SAMD8: variants seen among roughly 807,000 people sequenced by gnomAD.
SAMD8 encodes the protein sphingomyelin synthase-related protein 1.
Under a neutral mutation model 42.0 loss-of-function variants are expected in SAMD8, and 20 were observed. That is an observed-to-expected ratio of 0.48 (90% CI 0.34 to 0.69). SAMD8 has a LOEUF of 0.69. Ranked by LOEUF, SAMD8 falls within the 30% of genes least tolerant of loss-of-function variation. The probability of loss-of-function intolerance (pLI) is 0.01; values close to 1 mark genes in which losing one functional copy is unlikely to be tolerated. For synonymous variants in SAMD8, 162 were observed against 173.0 expected, an observed-to-expected ratio of 0.94 and a Z score of 0.50; for missense variants, 328 against 511.6, an observed-to-expected ratio of 0.64 and a Z score of 3.46.
chr10:75,121,987 C>T (rs1415451669), intron 1 of SAMD8, among the ~76,000 whole-genome samples: 1 of 152,188 alleles, frequency 6.6e-6, no homozygotes, highest in Non-Finnish European at 1.5e-5. Flanking sequence ...CCACCATGCC[C>T]AGCGACTTTC....
rs762930226 is a variant in SAMD8, at chr10:75,176,023, T to G, written c.793-43T>G. ...GAATGGATGTTGGGAAGTTCCCACC[T>G]CCCTAAGCATTTGAAGCACTAATTC... is the stretch of plus-strand genomic sequence containing the variant. On this transcript the variant is annotated intron_variant, in intron 4 of 5. Transcript: ENST00000542569. This position sits in a 1 kb window ranked among gnomAD's most constrained non-coding sequence, Gnocchi z 4.3. 6.3e-6 allele frequency: 10 copies of G among 1,580,266 alleles called. No homozygotes were observed. Among genetic ancestry groups the G allele is most frequent in the Non-Finnish European group, 8.6e-6 (10 of 1,163,836 alleles).
chr10:75,145,836 G>T (rs550393085), intron 1 of SAMD8, among the ~76,000 whole-genome samples: 2 of 152,294 alleles, frequency 1.3e-5, no homozygotes, highest in East Asian at 3.9e-4. Context: ...ACTATGGCAA[G>T]ATCTTTCTGT....
intron 1 of SAMD8, among the ~76,000 whole-genome samples, chr10:75,128,273 A>C (rs1036246713): frequency 5.3e-5 from 8 of 151,938 alleles, no homozygotes; most frequent in Non-Finnish European, 8.8e-5. Context: ...GCATTTCACC[A>C]TGTTGGCTAG....
chr10:75,162,447 C>G (rs1464096348), intron 2 of SAMD8, among the ~76,000 whole-genome samples: 3 of 151,944 alleles, frequency 2.0e-5, no homozygotes, highest in African/African-American at 7.3e-5. Flanking sequence ...GTCAGGATTT[C>G]GAGACCAGCC....
At chr10:75,118,460 A>G (rs1025511250) in intron 1 of SAMD8, among the ~76,000 whole-genome samples, 1 of 152,224 alleles carries the variant, frequency 6.6e-6, no homozygotes, top group Non-Finnish European at 1.5e-5. Flanking sequence ...CCTGGCCAGC[A>G]TGGTGAAATG....
chr10:75,108,408 T>C (rs1176235019), upstream of SAMD8: 2 of 956,626 alleles, frequency 2.1e-6, no homozygotes, highest in Non-Finnish European at 3.0e-6. Flanking sequence ...CGGCGGTGTG[T>C]GTGTCGGGGG....
intron 1 of SAMD8, among the ~76,000 whole-genome samples, chr10:75,104,921 C>G (rs952647111): frequency 3.3e-5 from 5 of 151,968 alleles, no homozygotes; most frequent in African/African-American, 4.8e-5. Context: ...AGGCCCTGCC[C>G]TGGGAGGTTT....
intron 2 of SAMD8, among the ~76,000 whole-genome samples, chr10:75,156,931 C>A (rs569882489): frequency 6.6e-6 from 1 of 152,076 alleles, no homozygotes; most frequent in East Asian, 1.9e-4. Flanking sequence ...ATCAGTGTTA[C>A]AATGTCCTTG....
intron 1 of SAMD8, among the ~76,000 whole-genome samples, chr10:75,123,746 A>G (rs1352936702): frequency 6.6e-6 from 1 of 151,322 alleles, no homozygotes; most frequent in East Asian, 1.9e-4. Context: ...GTTGGAGTAC[A>G]GTGGCATGAT....
Position 75,168,674 on chromosome 10 carries a change from C to A in SAMD8, c.792+16C>A. On this transcript the variant is annotated intron_variant, in intron 4 of 5. Coordinates refer to ENST00000542569, the MANE Select transcript of SAMD8 (RefSeq NM_001174156.2). ...TACTGGAAAGGTAGCCTGCTACCTT[C>A]TTTATCATTCTTGTTTTTGGTGGGT... The A allele has an allele frequency of 1.4e-6, 2 of 1,476,190 alleles. No individual in the cohort carries two copies. Among genetic ancestry groups the A allele is most frequent in the South Asian group, 1.1e-5 (1 of 88,296 alleles). The allele number at this position is 1,476,190 out of a possible 1,614,324, so 91.4% of individuals were successfully genotyped here.
In SAMD8 at chr10:75,170,770, G is replaced by GTTT. The variant is rs34290557; in HGVS notation, c.792+2131_792+2133dup. ...TACACACTCATATAAGTTTTTTTGGGTTTTTTTTTTTTTTTTTTTTTGAGG... is the reference window on the plus strand; with the variant it reads ...TACACACTCATATAAGTTTTTTTGGGTTTTTTTTTTTTTTTTTTTTTTTTGAGG... On this transcript the variant is annotated intron_variant, in intron 4 of 5. Coordinates refer to ENST00000542569, the MANE Select transcript of SAMD8 (RefSeq NM_001174156.2). Among the ~76,000 whole-genome samples the GTTT allele has an allele frequency of 3.6e-4, 38 of 105,204 alleles. 1 individual carries two copies. Among genetic ancestry groups the GTTT allele is most frequent in the South Asian group, 6.4e-4 (2 of 3,112 alleles). The allele number at this position is 105,204 out of a possible 152,430, so 69.0% of individuals were successfully genotyped here. A position where few individuals can be genotyped will look rare whatever the true frequency, so the allele number is the denominator to read the frequency against.
At chr10:75,123,548 C>T (rs1849056197) in intron 1 of SAMD8, among the ~76,000 whole-genome samples, 1 of 152,128 alleles carries the variant, frequency 6.6e-6, no homozygotes, top group Non-Finnish European at 1.5e-5. Flanking sequence ...AAAATCAAGG[C>T]TCTCCATTTG....
At chr10:75,106,101 CTTT>C (rs767630456) in intron 1 of SAMD8, among the ~76,000 whole-genome samples, 4 of 123,018 alleles carry the variant, frequency 3.3e-5, no homozygotes, top group Non-Finnish European at 3.4e-5. Flanking sequence ...TCTTTCTTTT[CTTT>C]TTTTTTTTTT....
At chr10:75,159,862 C>T (rs1674058352) in intron 2 of SAMD8, among the ~76,000 whole-genome samples, 1 of 152,168 alleles carries the variant, frequency 6.6e-6, no homozygotes, top group Non-Finnish European at 1.5e-5. Context: ...GAGAACATTT[C>T]CCTGTAATTG....
At chr10:75,111,547 C>A, upstream of SAMD8, 7 of 1,241,970 alleles carry the variant, frequency 5.6e-6, no homozygotes, top group South Asian at 3.6e-5. Flanking sequence ...GCGGCCGGGA[C>A]GATGCCTGCG....
At chr10:75,108,288 A>C (rs1455016221), upstream of SAMD8, 2 of 1,510,550 alleles carry the variant, frequency 1.3e-6, no homozygotes, top group Non-Finnish European at 1.8e-6. Context: ...CCCCTGCTGC[A>C]GAGGGACCGA....
At chr10:75,109,168 G>A (rs780154882), upstream of SAMD8, 32 of 1,560,220 alleles carry the variant, frequency 2.1e-5, 1 homozygote, top group South Asian at 5.8e-5. Context: ...GGGCCAGCCC[G>A]CCCACCCCTC....
At chr10:75,109,715 C>G (rs1269726042), upstream of SAMD8, among the ~76,000 whole-genome samples, 1 of 151,984 alleles carries the variant, frequency 6.6e-6, no homozygotes, top group East Asian at 1.9e-4. Context: ...AGGTCAGGGA[C>G]AGTTTTCTGA....
At position 75,133,845 on chromosome 10, in the gene SAMD8, C is replaced by G. The variant is rs181721226; in HGVS notation, c.-15-16669C>G. 1.7e-3 allele frequency among the ~76,000 whole-genome samples: 254 copies of G among 152,280 alleles called. 2 individuals are homozygous for G. Among genetic ancestry groups the G allele is most frequent in the African/African-American group, 5.9e-3 (247 of 41,562 alleles). On this transcript the variant is annotated intron_variant, in intron 1 of 5. Transcript: ENST00000542569. Reference sequence around the variant, plus strand: ...GAGAGGAGGATGGATAGAGGTTGGTCAGCAAGTACAAAATTACAGTTAGCT... The same window carrying G: ...GAGAGGAGGATGGATAGAGGTTGGTGAGCAAGTACAAAATTACAGTTAGCT...
Sources: gnomAD v4.1 joint callset for allele counts (sites outside exome capture counted in the v4.1 genomes callset) on GRCh38, gnomAD v4.1.1 for gene constraint, Gnocchi (gnomAD v3.1) non-coding constraint, MANE v1.5 for transcripts, NCBI Gene and HGNC (gene_info 2026-07-23, HGNC 2026-07-21) for gene names.